Variants in RUVBL1 observed in about 807,000 individuals in gnomAD.
RUVBL1 encodes the protein RuvB like AAA ATPase 1.
In RUVBL1, 4 loss-of-function variants were observed where a neutral mutation model predicts 52.4. That is an observed-to-expected ratio of 0.08 (90% CI 0.04 to 0.17). The LOEUF (loss-of-function observed/expected upper bound fraction) is 0.17. Among genes scored for constraint, RUVBL1 ranks in the 10% least tolerant of loss-of-function variants. The probability of loss-of-function intolerance (pLI) is 1.00; values close to 1 mark genes in which losing one functional copy is unlikely to be tolerated. For synonymous variants in RUVBL1, 217 were observed against 214.4 expected (o/e 1.01, Z -0.10); for missense variants, 298 against 572.8 (o/e 0.52, Z 4.90).
In RUVBL1 at chr3:128,067,394, A is replaced by G; in HGVS notation, c.940-2174T>C. 6.3e-7 allele frequency: 1 copy of G among 1,596,672 alleles called. No individual in the cohort carries two copies. On this transcript the variant is annotated intron_variant, in intron 9 of 9. Transcript: ENST00000464873. The surrounding 1 kb of genome is among the most constrained non-coding windows in gnomAD (Gnocchi z 4.1). The stretch of plus-strand genomic sequence containing the variant: ...GCTAAAGTAAAATGAAGGAGCACTC[A>G]CATGCGTTTGGTTTCTTCTTCCCCA...
chr3:128,075,514 A>G (rs557308563), intron 9 of RUVBL1, among the ~76,000 whole-genome samples: 1 of 152,210 alleles, frequency 6.6e-6, no homozygotes, highest in East Asian at 1.9e-4. Context: ...GCCTTCCCCC[A>G]CTGCTCCTTC....
Position 128,067,489 on chromosome 3 carries a change from A to G in RUVBL1, c.940-2269T>C. ...GCCTTTGCTATTACCTGTCCCCTCC[A>G]GAATCTTTTGGCTCCGTGTTAGAAG... On this transcript the variant is annotated intron_variant, in intron 9 of 9. Transcript: ENST00000464873. The surrounding 1 kb of genome is among the most constrained non-coding windows in gnomAD (Gnocchi z 4.1). 6.2e-7 allele frequency: 1 copy of G among 1,614,160 alleles called. No individual in the cohort carries two copies. The highest frequency in any genetic ancestry group is 8.5e-7 in the Non-Finnish European group (1 of 1,180,018).
intron 7 of RUVBL1, among the ~76,000 whole-genome samples, chr3:128,098,410 GA>G (rs996459868): frequency 2.6e-5 from 4 of 151,896 alleles, no homozygotes; most frequent in Admixed American, 2.0e-4. Context: ...GGTGGAATTA[GA>G]AAAAAAACAG....
At chr3:128,127,264 G>T (rs1943807228), upstream of RUVBL1, among the ~76,000 whole-genome samples, 1 of 152,198 alleles carries the variant, frequency 6.6e-6, no homozygotes, top group Non-Finnish European at 1.5e-5. Context: ...GTTTGAGTTA[G>T]ATTTCTATCT....
intron 8 of RUVBL1, among the ~76,000 whole-genome samples, chr3:128,089,909 CAAAAAAAAAAAAAA>C (rs57182193): frequency 8.4e-5 from 5 of 59,350 alleles, no homozygotes; most frequent in South Asian, 7.8e-4. Context: ...GACCCTATCT[CAAAAAAAAAAAAAA>C]AAAAAAAAAA....
intron 3 of RUVBL1, among the ~76,000 whole-genome samples, chr3:128,105,732 G>A (rs546471095): frequency 5.6e-4 from 85 of 152,250 alleles, no homozygotes; most frequent in African/African-American, 1.6e-3. Flanking sequence ...TCAACAGTGG[G>A]TGACACTCAA....
At position 128,067,612 on chromosome 3, in the gene RUVBL1, T is replaced by C. The variant is rs756274422; in HGVS notation, c.940-2392A>G. 4 of 1,607,584 alleles carry C rather than the reference T, an allele frequency of 2.5e-6. No homozygotes were observed. The South Asian group carries it at 4.4e-5, about 18-fold the overall frequency. ...AGGTCTCAGGTTCCTCTGCCAAAGA[T>C]GTAAGTAGAAGCAAAACTTTCTGGA... is the stretch of plus-strand genomic sequence containing the variant. On this transcript the variant is annotated intron_variant, in intron 9 of 9. Coordinates refer to the RUVBL1 transcript ENST00000464873. The surrounding 1 kb of genome is among the most constrained non-coding windows in gnomAD (Gnocchi z 4.1).
intron 7 of RUVBL1, 100 bp from the exon 8 acceptor site, chr3:128,097,598 G>C: frequency 9.4e-7 from 1 of 1,063,892 alleles, no homozygotes. Context: ...CATGCTAGGA[G>C]CCTAGTTTTC....
At chr3:128,109,056 T>C (rs1043387341) in intron 3 of RUVBL1, among the ~76,000 whole-genome samples, 5 of 152,278 alleles carry the variant, frequency 3.3e-5, no homozygotes, top group Non-Finnish European at 7.4e-5. Flanking sequence ...GTTATGATGA[T>C]CACATAAACC....
chr3:128,069,527 G>C (rs750919679), intron 9 of RUVBL1: 1 of 1,613,888 alleles, frequency 6.2e-7, no homozygotes, highest in Non-Finnish European at 8.5e-7. Flanking sequence ...GGGCCCTCTC[G>C]GTCCTGGCTG....
chr3:128,092,777 G>A (rs949215510), intron 8 of RUVBL1, among the ~76,000 whole-genome samples: 2 of 152,214 alleles, frequency 1.3e-5, no homozygotes, highest in African/African-American at 4.8e-5. Context: ...GCTGGCTTTG[G>A]AAAACAGCTG....
chr3:128,116,747 T>G (rs1169535372), intron 2 of RUVBL1, among the ~76,000 whole-genome samples: 1 of 152,234 alleles, frequency 6.6e-6, no homozygotes, highest in East Asian at 1.9e-4. Flanking sequence ...AATCATATGA[T>G]GAGCTGCCAG....
chr3:128,132,209 G>A (rs779922657), intron 1 of RUVBL1, among the ~76,000 whole-genome samples: 3 of 152,206 alleles, frequency 2.0e-5, no homozygotes, highest in Non-Finnish European at 4.4e-5. Context: ...CCTAGCCAGA[G>A]GGGAATCATC....
intron 9 of RUVBL1, among the ~76,000 whole-genome samples, chr3:128,072,268 C>T (rs907140360): frequency 6.6e-6 from 1 of 152,230 alleles, no homozygotes; most frequent in Non-Finnish European, 1.5e-5. Flanking sequence ...GGCCTCACCC[C>T]AAACCTGCCG....
chr3:128,121,149 G>C lies in RUVBL1; in HGVS notation c.142-1735C>G, dbSNP rs143360584. Among the ~76,000 whole-genome samples the C allele has an allele frequency of 2.9e-3, 443 of 151,970 alleles. 9 individuals carry two copies. In the East Asian group the frequency reaches 0.059, roughly 20 times the overall value. Reference sequence around the variant, plus strand: ...GTCTCGCTGTCACCCGGGCTGGAGCGCAATGGCGCGATCTCAGCTCACTGC... The same window carrying C: ...GTCTCGCTGTCACCCGGGCTGGAGCCCAATGGCGCGATCTCAGCTCACTGC... On this transcript the variant is annotated intron_variant, in intron 1 of 10. Coordinates refer to ENST00000322623, the MANE Select transcript of RUVBL1 (RefSeq NM_003707.3).
chr3:128,114,474 C>G (rs1303343453), intron 2 of RUVBL1, among the ~76,000 whole-genome samples: 1 of 152,202 alleles, frequency 6.6e-6, no homozygotes, highest in Non-Finnish European at 1.5e-5. Context: ...CTCAGCAAAT[C>G]TCAGGTGCCC....
downstream of RUVBL1, among the ~76,000 whole-genome samples, chr3:128,076,613 C>A (rs1275059939): frequency 3.3e-5 from 5 of 152,092 alleles, no homozygotes; most frequent in Non-Finnish European, 5.9e-5. The surrounding 1 kb of genome is among the most constrained non-coding windows in gnomAD (Gnocchi z 6.8). Flanking sequence ...GTGGGGAGGT[C>A]ACAGTAGGTG....
In RUVBL1 at chr3:128,153,492, A is replaced by AGGC. The variant is rs534678215; in HGVS notation, c.-332_-330dup. On this transcript the variant is annotated 5_prime_UTR_variant, in exon 1 of 10. Coordinates refer to the RUVBL1 transcript ENST00000464873. Reference sequence around the variant, plus strand: ...GAGGGGCGGGCCGGGCGGGTGTCCGAGGCGGCGGCGGCGGCATGGCAGGGC... The same window carrying AGGC: ...GAGGGGCGGGCCGGGCGGGTGTCCGAGGCGGCGGCGGCGGCGGCATGGCAGGGC... 301 of 1,476,274 alleles carry AGGC rather than the reference A, an allele frequency of 2.0e-4. 3 individuals are homozygous for AGGC. In the South Asian group the frequency reaches 3.2e-3, roughly 16 times the overall value. 91.4% of individuals were successfully genotyped at this position (1,476,274 alleles called of 1,614,324 possible). A position where few individuals can be genotyped will look rare whatever the true frequency, so the allele number is the denominator to read the frequency against.
rs191798137 is a variant in RUVBL1, at chr3:128,151,400, T to C, written c.-40+1803A>G. Among the ~76,000 whole-genome samples, 3 of 151,734 alleles carry C rather than the reference T, an allele frequency of 2.0e-5. No homozygotes were observed. The East Asian group carries it at 5.8e-4, about 29-fold the overall frequency. ...TCTTTTCATTACCATTTCAGGATTCTGTTTAAAACAGAGGTAAGAAATGAG... is the reference window on the plus strand; with the variant it reads ...TCTTTTCATTACCATTTCAGGATTCCGTTTAAAACAGAGGTAAGAAATGAG... On this transcript the variant is annotated intron_variant, in intron 1 of 9. Coordinates refer to the RUVBL1 transcript ENST00000464873.
Sources: allele counts gnomAD v4.1 joint callset (sites outside exome capture counted in the v4.1 genomes callset), GRCh38; gene constraint gnomAD v4.1.1; non-coding constraint Gnocchi (gnomAD v3.1); transcripts MANE v1.5; gene names NCBI Gene and HGNC (gene_info 2026-07-23, HGNC 2026-07-21).